Variants in TNIK observed in about 807,000 individuals in gnomAD.
TNIK encodes the protein TRAF2 and NCK interacting kinase.
TNIK carries 49 observed loss-of-function variants against 191.3 expected under a neutral mutation model. The observed-to-expected ratio is 0.26, with a 90% CI of 0.20 to 0.32. The LOEUF (loss-of-function observed/expected upper bound fraction) is 0.32, where lower values mean the gene tolerates loss of function less well. TNIK is among the 10% of genes least tolerant of loss of function. TNIK has a pLI of 1.00. For synonymous variants in TNIK, 594 were observed against 600.9 expected, an observed-to-expected ratio of 0.99 and a Z score of 0.17; for missense variants, 1,155 against 1,702.3, an observed-to-expected ratio of 0.68 and a Z score of 5.66.
chr3:171,431,867 G>A (rs1253406708), intron 1 of TNIK, among the ~76,000 whole-genome samples: 1 of 152,142 alleles, frequency 6.6e-6, no homozygotes, highest in Non-Finnish European at 1.5e-5. Context: ...CCTGCCTTTT[G>A]GCAAATCCCA....
chr3:171,335,292 GTTTT>G (rs1339072193), intron 2 of TNIK, among the ~76,000 whole-genome samples: 1 of 152,098 alleles, frequency 6.6e-6, no homozygotes, highest in Non-Finnish European at 1.5e-5. Context: ...TCCAAATTTT[GTTTT>G]TTCTTGTTGA....
rs2108291874 is a variant in TNIK, at chr3:171,062,853, A to G, written c.*1028T>C. ...CGCTGGGAATGTTCAGAGCCTGAAT[A>G]TCATCCACTCTCCAAGTCCCAGAAA... On this transcript the variant is annotated 3_prime_UTR_variant, in exon 33 of 33. Coordinates refer to ENST00000436636, the MANE Select transcript of TNIK (RefSeq NM_015028.4). The G allele has an allele frequency of 6.6e-6, 1 of 152,250 alleles. No individual in the cohort carries two copies. The highest frequency in any genetic ancestry group is 1.9e-4 in the East Asian group (1 of 5,172). The allele number at this position is 152,250 out of a possible 1,614,324, so 9.4% of individuals were successfully genotyped here. A position where few individuals can be genotyped will look rare whatever the true frequency, so the allele number is the denominator to read the frequency against.
chr3:171,384,584 C>T (rs1213738835), intron 1 of TNIK, among the ~76,000 whole-genome samples: 2 of 152,180 alleles, frequency 1.3e-5, no homozygotes, highest in African/African-American at 4.8e-5. Context: ...AAACATCCAA[C>T]GGGGAGTCTA....
At chr3:171,214,900 T>G (rs1458965882) in intron 3 of TNIK, among the ~76,000 whole-genome samples, 1 of 152,166 alleles carries the variant, frequency 6.6e-6, no homozygotes, top group Non-Finnish European at 1.5e-5. Flanking sequence ...AAGAAGATAA[T>G]ATTATTTCTC....
chr3:171,455,379 G>A (rs1225528603), intron 1 of TNIK, among the ~76,000 whole-genome samples: 1 of 150,898 alleles, frequency 6.6e-6, no homozygotes. Context: ...AATTAGCTGG[G>A]ACCACAGGCA....
chr3:171,179,768 G>A (rs1383686588), intron 7 of TNIK, among the ~76,000 whole-genome samples: 1 of 152,126 alleles, frequency 6.6e-6, no homozygotes, highest in African/African-American at 2.4e-5. Context: ...GGGTTTTATG[G>A]TTGATAGACA....
intron 2 of TNIK, among the ~76,000 whole-genome samples, chr3:171,248,127 A>G (rs1745817366): frequency 6.6e-6 from 1 of 152,188 alleles, no homozygotes; most frequent in Non-Finnish European, 1.5e-5. Context: ...GATGAGTTTG[A>G]GAAGAAAGGC....
chr3:171,127,046 G>A lies in TNIK; in HGVS notation c.1774-895C>T, dbSNP rs60098463. On this transcript the variant is annotated intron_variant, in intron 16 of 32. Coordinates refer to ENST00000436636, the MANE Select transcript of TNIK (RefSeq NM_015028.4). ...TGAGCTCCCTAGAGAGAGGCACTATGTCTGTCATGCTCATCGTCATATCCC... is the reference window on the plus strand; with the variant it reads ...TGAGCTCCCTAGAGAGAGGCACTATATCTGTCATGCTCATCGTCATATCCC... Among the ~76,000 whole-genome samples the A allele has an allele frequency of 8.6e-3, 1,317 of 152,356 alleles. 18 individuals are homozygous for A. The highest frequency in any genetic ancestry group is 0.031 in the East Asian group (162 of 5,188).
intron 2 of TNIK, among the ~76,000 whole-genome samples, chr3:171,340,501 A>G (rs1405432636): frequency 2.6e-5 from 4 of 152,236 alleles, no homozygotes; most frequent in Non-Finnish European, 5.9e-5. Flanking sequence ...GTTAGTGAAC[A>G]AATCTACAGA....
chr3:171,182,248 T>C (rs1736757131), intron 7 of TNIK, among the ~76,000 whole-genome samples: 1 of 145,658 alleles, frequency 6.9e-6, no homozygotes. Flanking sequence ...TGGTCATATA[T>C]ATCCAAAGTT....
intron 2 of TNIK, among the ~76,000 whole-genome samples, chr3:171,268,306 T>C (rs754178072): frequency 6.6e-6 from 1 of 152,142 alleles, no homozygotes; most frequent in Non-Finnish European, 1.5e-5. Flanking sequence ...CTTTGCTATG[T>C]GATCATCTTC....
At chr3:171,255,227 G>A (rs1746705960) in intron 2 of TNIK, among the ~76,000 whole-genome samples, 1 of 152,180 alleles carries the variant, frequency 6.6e-6, no homozygotes, top group Non-Finnish European at 1.5e-5. Context: ...CCTGATATGA[G>A]CAGAGAAACT....
intron 1 of TNIK, among the ~76,000 whole-genome samples, chr3:171,436,478 C>T (rs1726047154): frequency 6.6e-6 from 1 of 152,196 alleles, no homozygotes; most frequent in Non-Finnish European, 1.5e-5. Flanking sequence ...TTGTTACCTC[C>T]ATTTCATAGG....
intron 3 of TNIK, among the ~76,000 whole-genome samples, chr3:171,215,789 G>C (rs576137600): frequency 2.2e-4 from 34 of 152,252 alleles, no homozygotes; most frequent in African/African-American, 7.7e-4. Flanking sequence ...CCTATGATAT[G>C]CTAGCATTTA....
intron 2 of TNIK, among the ~76,000 whole-genome samples, chr3:171,327,210 G>A (rs937003587): frequency 6.6e-6 from 1 of 152,190 alleles, no homozygotes; most frequent in African/African-American, 2.4e-5. Context: ...TTGCAGAGAG[G>A]TAAATGATCC....
chr3:171,272,896 G>C (rs371334690), intron 2 of TNIK, among the ~76,000 whole-genome samples: 1 of 152,214 alleles, frequency 6.6e-6, no homozygotes, highest in Non-Finnish European at 1.5e-5. Context: ...AGGTTTCCCT[G>C]ATTGTACCCT....
chr3:171,382,581 T>A (rs1718189941), intron 1 of TNIK, among the ~76,000 whole-genome samples: 1 of 152,138 alleles, frequency 6.6e-6, no homozygotes, highest in Non-Finnish European at 1.5e-5. Flanking sequence ...TCCCTACCCC[T>A]CTTGAAGCTG....
chr3:171,221,683 T>G (rs1313249225), intron 3 of TNIK, among the ~76,000 whole-genome samples: 6 of 152,174 alleles, frequency 3.9e-5, no homozygotes, highest in Non-Finnish European at 7.3e-5. Flanking sequence ...TGAAATCTTG[T>G]GATTTCAGCC....
At chr3:171,404,480 T>C (rs1262044783) in intron 1 of TNIK, among the ~76,000 whole-genome samples, 2 of 152,174 alleles carry the variant, frequency 1.3e-5, no homozygotes, top group Non-Finnish European at 2.9e-5. Context: ...AACAATCTGA[T>C]CTTCCAAATG....
Sources: allele counts gnomAD v4.1 joint callset (sites outside exome capture counted in the v4.1 genomes callset), GRCh38; gene constraint gnomAD v4.1.1; transcripts MANE v1.5; gene names NCBI Gene and HGNC (gene_info 2026-07-23, HGNC 2026-07-21).